Variants in TRAPPC9 observed in about 807,000 individuals in gnomAD.
TRAPPC9 encodes the protein trafficking protein particle complex subunit 9.
TRAPPC9 carries 83 observed loss-of-function variants against 124.0 expected under a neutral mutation model. The ratio of observed to expected loss-of-function variants is 0.67; its 90% CI spans 0.56 to 0.80. The LOEUF is 0.80. Ranked by LOEUF, TRAPPC9 falls within the 30% of genes least tolerant of loss-of-function variation. The pLI is 0.00. For synonymous variants in TRAPPC9, 638 were observed against 617.5 expected, an observed-to-expected ratio of 1.03 and a Z score of -0.49; for missense variants, 1,302 against 1,508.3, an observed-to-expected ratio of 0.86 and a Z score of 2.27.
chr8:140,187,279 C>T (rs188911114), intron 17 of TRAPPC9, among the ~76,000 whole-genome samples: 7 of 152,276 alleles, frequency 4.6e-5, no homozygotes, highest in Non-Finnish European at 8.8e-5. Context: ...CTTGAGTATA[C>T]GCGGGGGCCT....
chr8:140,032,020 C>T (rs532017807), intron 17 of TRAPPC9, among the ~76,000 whole-genome samples: 1 of 152,304 alleles, frequency 6.6e-6, no homozygotes, highest in South Asian at 2.1e-4. Context: ...GAGCCCAGTG[C>T]CATAGACCAC....
At chr8:139,856,593 C>T (rs752392737) in intron 21 of TRAPPC9, among the ~76,000 whole-genome samples, 2 of 152,074 alleles carry the variant, frequency 1.3e-5, no homozygotes, top group Admixed American at 6.5e-5. Context: ...TGGACAGCGG[C>T]GGGGGGTGGC....
intron 17 of TRAPPC9, among the ~76,000 whole-genome samples, chr8:140,196,530 T>A (rs1224080386): frequency 3.2e-5 from 2 of 63,440 alleles, no homozygotes; most frequent in Non-Finnish European, 2.9e-5. Flanking sequence ...CCTGTGACAC[T>A]AAAACACACT....
At chr8:140,017,767 C>G (rs549927831) in intron 18 of TRAPPC9, among the ~76,000 whole-genome samples, 1 of 152,218 alleles carries the variant, frequency 6.6e-6, no homozygotes, top group South Asian at 2.1e-4. Flanking sequence ...GGATTTTGAC[C>G]GAATTGCATT....
chr8:140,419,077 A>G (rs2070062974), intron 5 of TRAPPC9, among the ~76,000 whole-genome samples: 1 of 152,184 alleles, frequency 6.6e-6, no homozygotes. Context: ...GTGGATCACA[A>G]GGTCAGGAGA....
At chr8:140,442,298 A>G (rs2071044552) in intron 2 of TRAPPC9, among the ~76,000 whole-genome samples, 1 of 152,204 alleles carries the variant, frequency 6.6e-6, no homozygotes, top group African/African-American at 2.4e-5. Context: ...AATATTTTAA[A>G]TTGTATAAAA....
chr8:140,305,386 C>T (rs796465645), intron 10 of TRAPPC9, among the ~76,000 whole-genome samples: 6 of 152,114 alleles, frequency 3.9e-5, no homozygotes, highest in African/African-American at 9.6e-5. Flanking sequence ...CTGCAACCTC[C>T]GCCTCCTGGG....
chr8:140,147,418 C>T (rs537907231), intron 17 of TRAPPC9, among the ~76,000 whole-genome samples: 5 of 152,308 alleles, frequency 3.3e-5, no homozygotes, highest in African/African-American at 9.6e-5. Flanking sequence ...GTCTCAATTC[C>T]GCAGGTGAGG....
chr8:139,983,268 G>A (rs927377785), intron 19 of TRAPPC9, among the ~76,000 whole-genome samples: 29 of 152,222 alleles, frequency 1.9e-4, no homozygotes, highest in African/African-American at 3.6e-4. Flanking sequence ...TCTGCCCAGC[G>A]TCTTGATCTT....
At chr8:139,741,654 T>C (rs1424479271) in intron 21 of TRAPPC9, among the ~76,000 whole-genome samples, 1 of 152,052 alleles carries the variant, frequency 6.6e-6, no homozygotes, top group Non-Finnish European at 1.5e-5. Flanking sequence ...TGTACCCTTT[T>C]AGCCATCACT....
intron 11 of TRAPPC9, among the ~76,000 whole-genome samples, chr8:140,293,863 A>G (rs1161471688): frequency 6.6e-6 from 1 of 151,898 alleles, no homozygotes; most frequent in Non-Finnish European, 1.5e-5. Flanking sequence ...CTTAAAGTAT[A>G]ATAATAATAA....
chr8:139,963,980 T>C lies in TRAPPC9; in HGVS notation c.2810+24746A>G, dbSNP rs745873313. ...TGGCTCACGCCTGTAATCCCAGCACTTTGGGAGGCCGAGGCGGGTGGATCA... is the reference window on the plus strand; with the variant it reads ...TGGCTCACGCCTGTAATCCCAGCACCTTGGGAGGCCGAGGCGGGTGGATCA... On this transcript the variant is annotated intron_variant, in intron 19 of 22. Transcript: ENST00000438773. Among the ~76,000 whole-genome samples, 72 of 152,034 alleles carry C rather than the reference T, an allele frequency of 4.7e-4. 1 individual carries two copies. Among genetic ancestry groups the C allele is most frequent in the Non-Finnish European group, 5.3e-4 (36 of 68,006 alleles).
At chr8:139,778,899 A>G (rs1821580027) in intron 21 of TRAPPC9, among the ~76,000 whole-genome samples, 2 of 152,168 alleles carry the variant, frequency 1.3e-5, no homozygotes, top group Admixed American at 6.5e-5. Flanking sequence ...CATAAAAACT[A>G]TAAACTTAAA....
intron 14 of TRAPPC9, among the ~76,000 whole-genome samples, chr8:140,283,171 G>A (rs913370922): frequency 2.0e-5 from 3 of 151,772 alleles, no homozygotes; most frequent in African/African-American, 7.3e-5. Context: ...CTGGGAGGTG[G>A]AGGTTGCAGT....
At chr8:139,764,962 T>C (rs1820490416) in intron 21 of TRAPPC9, among the ~76,000 whole-genome samples, 1 of 152,208 alleles carries the variant, frequency 6.6e-6, no homozygotes, top group South Asian at 2.1e-4. Context: ...CCTTCTCTCC[T>C]ACCATCGTCT....
At chr8:139,926,137 T>C (rs2131361365) in intron 19 of TRAPPC9, among the ~76,000 whole-genome samples, 1 of 152,338 alleles carries the variant, frequency 6.6e-6, no homozygotes, top group East Asian at 1.9e-4. Flanking sequence ...AGGCTGGTTG[T>C]TAAAAATTAA....
At chr8:140,176,246 T>A (rs2062069549) in intron 17 of TRAPPC9, among the ~76,000 whole-genome samples, 2 of 152,198 alleles carry the variant, frequency 1.3e-5, no homozygotes, top group African/African-American at 4.8e-5. Context: ...TACTGGTGTA[T>A]CCACTTGCAC....
At chr8:139,995,762 C>A (rs745985951) in intron 18 of TRAPPC9, among the ~76,000 whole-genome samples, 3 of 150,026 alleles carry the variant, frequency 2.0e-5, no homozygotes, top group Non-Finnish European at 2.9e-5. Context: ...GATCTCCAGG[C>A]AAGAATGCCG....
intron 5 of TRAPPC9, among the ~76,000 whole-genome samples, chr8:140,422,490 A>C (rs2070253317): frequency 1.3e-5 from 2 of 152,184 alleles, no homozygotes. Flanking sequence ...GCAGTGGCTC[A>C]CGCCTGTAAT....
Sources: gnomAD v4.1 joint callset for allele counts (sites outside exome capture counted in the v4.1 genomes callset) on GRCh38, gnomAD v4.1.1 for gene constraint, MANE v1.5 for transcripts, NCBI Gene and HGNC (gene_info 2026-07-23, HGNC 2026-07-21) for gene names.